Variants in ARHGAP26 observed in about 807,000 individuals in gnomAD.
ARHGAP26 encodes rho GTPase-activating protein 26.
A neutral mutation model predicts 104.8 loss-of-function variants in ARHGAP26; 38 were observed. That is an observed-to-expected ratio of 0.36 (90% CI 0.28 to 0.48). The LOEUF (loss-of-function observed/expected upper bound fraction) is 0.48, where lower values mean the gene tolerates loss of function less well. Ranked by LOEUF, ARHGAP26 falls within the 20% of genes least tolerant of loss-of-function variation. ARHGAP26 has a pLI of 0.99. For synonymous variants in ARHGAP26, 341 were observed against 340.0 expected (o/e 1.00, Z -0.03); for missense variants, 704 against 947.9 (o/e 0.74, Z 3.38).
At chr5:142,942,540 A>G (rs1215659308) in intron 11 of ARHGAP26, among the ~76,000 whole-genome samples, 2 of 152,370 alleles carry the variant, frequency 1.3e-5, no homozygotes, top group African/African-American at 4.8e-5. Context: ...GCCTGCATTC[A>G]TATTTGAAGG....
intron 2 of ARHGAP26, 97 bp from the exon 3 acceptor site, chr5:142,875,013 C>A: frequency 9.9e-7 from 1 of 1,014,692 alleles, no homozygotes; most frequent in Non-Finnish European, 1.5e-6. Context: ...CTGTATGTGC[C>A]AAGGAATTAA....
chr5:143,213,955 G>C, intron 21 of ARHGAP26, 42 bp from the exon 22 acceptor site: 1 of 1,307,358 alleles, frequency 7.6e-7, no homozygotes, highest in Non-Finnish European at 1.1e-6. Flanking sequence ...GCTTTCTAAG[G>C]GTTTTTTCAA....
intron 11 of ARHGAP26, among the ~76,000 whole-genome samples, chr5:142,934,361 A>G (rs558593054): frequency 7.2e-5 from 11 of 152,358 alleles, no homozygotes; most frequent in African/African-American, 2.4e-4. Flanking sequence ...TTTGTTTCTA[A>G]ACATGATATA....
chr5:143,117,981 C>T (rs1256469541), intron 17 of ARHGAP26, among the ~76,000 whole-genome samples: 1 of 152,220 alleles, frequency 6.6e-6, no homozygotes, highest in African/African-American at 2.4e-5. Context: ...AAATACCATA[C>T]TTCCTCTTCT....
chr5:143,219,222 C>G (rs1375195523), intron 22 of ARHGAP26, among the ~76,000 whole-genome samples: 1 of 152,232 alleles, frequency 6.6e-6, no homozygotes, highest in Non-Finnish European at 1.5e-5. Flanking sequence ...TTTTACCTCT[C>G]TGAGCCTTAA....
chr5:143,029,465 C>CATGATCA (rs1781568953), intron 12 of ARHGAP26, among the ~76,000 whole-genome samples: 1 of 131,090 alleles, frequency 7.6e-6, no homozygotes, highest in Admixed American at 9.3e-5. Context: ...AGTGCAGTGG[C>CATGATCA]ATGATCATAG....
intron 11 of ARHGAP26, among the ~76,000 whole-genome samples, chr5:142,951,936 G>C (rs1303951977): frequency 6.6e-6 from 1 of 152,224 alleles, no homozygotes; most frequent in Non-Finnish European, 1.5e-5. Flanking sequence ...CCAAGGTGTT[G>C]GCAGGGCCAT....
intron 16 of ARHGAP26, 65 bp from the exon 17 acceptor site, chr5:143,057,577 T>G: frequency 7.2e-7 from 1 of 1,386,882 alleles, no homozygotes; most frequent in Non-Finnish European, 1.0e-6. Flanking sequence ...TTCCCTTAAT[T>G]TTTCAACCTT....
chr5:143,136,433 T>C (rs751401989), intron 19 of ARHGAP26, among the ~76,000 whole-genome samples: 1 of 152,232 alleles, frequency 6.6e-6, no homozygotes, highest in Non-Finnish European at 1.5e-5. Flanking sequence ...CATACAGATA[T>C]GCTCAGATAT....
chr5:143,011,285 G>T (rs1455599529), intron 11 of ARHGAP26, among the ~76,000 whole-genome samples: 1 of 138,594 alleles, frequency 7.2e-6, no homozygotes, highest in East Asian at 2.1e-4. Flanking sequence ...CTCGCCTAAA[G>T]TCCACAATAA....
At chr5:142,938,333 G>C (rs1765747849) in intron 11 of ARHGAP26, among the ~76,000 whole-genome samples, 1 of 152,076 alleles carries the variant, frequency 6.6e-6, no homozygotes, top group South Asian at 2.1e-4. Flanking sequence ...TGTTAAATCT[G>C]GGTTGACAAA....
At chr5:142,951,342 G>T (rs1289903648) in intron 11 of ARHGAP26, among the ~76,000 whole-genome samples, 1 of 152,224 alleles carries the variant, frequency 6.6e-6, no homozygotes, top group Admixed American at 6.5e-5. Flanking sequence ...TTACAGGCAT[G>T]AGCCACCATA....
chr5:143,012,577 T>TATATATATATATATATATATATATA lies in ARHGAP26; in HGVS notation c.1108-1501_1108-1500insATATATATATATATATATATATAAT, dbSNP rs1554195775. Among the ~76,000 whole-genome samples the TATATATATATATATATATATATATA allele has an allele frequency of 4.9e-3, 93 of 19,064 alleles. 6 individuals carry two copies. The highest frequency in any genetic ancestry group is 0.019 in the Middle Eastern group (1 of 52). The allele number at this position is 19,064 out of a possible 152,430, so 12.5% of individuals were successfully genotyped here. ...CATATATATATATATATATATATATTATGATCAGGTTCACCTTATGCCTTT... is the reference window on the plus strand; with the variant it reads ...CATATATATATATATATATATATATTATATATATATATATATATATATATAATGATCAGGTTCACCTTATGCCTTT... On this transcript the variant is annotated intron_variant, in intron 11 of 22. Transcript: ENST00000645722.
chr5:142,953,285 A>G (rs996833301), intron 11 of ARHGAP26, among the ~76,000 whole-genome samples: 4 of 152,184 alleles, frequency 2.6e-5, no homozygotes, highest in Non-Finnish European at 4.4e-5. Flanking sequence ...CAGCCACTCT[A>G]TAGGTGCTGA....
At chr5:143,059,621 C>G (rs965898321) in intron 17 of ARHGAP26, among the ~76,000 whole-genome samples, 2 of 152,128 alleles carry the variant, frequency 1.3e-5, no homozygotes, top group African/African-American at 4.8e-5. Context: ...GAGTTGTAAA[C>G]TGGAATTTGC....
At chr5:142,934,035 A>C (rs1322191854) in intron 11 of ARHGAP26, among the ~76,000 whole-genome samples, 1 of 152,154 alleles carries the variant, frequency 6.6e-6, no homozygotes, top group South Asian at 2.1e-4. Flanking sequence ...ATGGGATTCT[A>C]TTCTTGGTAT....
chr5:142,770,914 G>A lies in ARHGAP26; in HGVS notation c.153G>A (p.Lys51=). The A allele has an allele frequency of 6.2e-7, 1 of 1,606,160 alleles. No individual in the cohort carries two copies. Residue 51 remains lysine, a splice_region_variant and synonymous_variant, in exon 1 of 23, where the codon AAG becomes AAA. Transcript: ENST00000645722. ...KDGKSLISAL[K]NLSSAKRKFA... is the part of the protein sequence containing the mutation. The stretch of plus-strand genomic sequence containing the variant: ...GGAAGTCACTCATAAGCGCGCTCAA[G>A]AGTGAGTGTCCCGAGCCCCTCGGGG...
At chr5:143,181,163 G>A (rs1211795186) in intron 20 of ARHGAP26, among the ~76,000 whole-genome samples, 2 of 152,156 alleles carry the variant, frequency 1.3e-5, no homozygotes, top group Admixed American at 1.3e-4. Flanking sequence ...TGAAACCTGT[G>A]GGATTGTTCT....
intron 11 of ARHGAP26, among the ~76,000 whole-genome samples, chr5:142,961,365 A>G (rs188105326): frequency 2.0e-4 from 30 of 151,844 alleles, no homozygotes; most frequent in African/African-American, 6.3e-4. Flanking sequence ...GGTGGTGTGC[A>G]CCTGCAGTTC....
Sources: gnomAD v4.1 joint callset for allele counts (sites outside exome capture counted in the v4.1 genomes callset) on GRCh38, gnomAD v4.1.1 for gene constraint, MANE v1.5 for transcripts, NCBI Gene and HGNC (gene_info 2026-07-23, HGNC 2026-07-21) for gene names.